The following WDR72 variants were observed in gnomAD, a reference collection of about 807,000 sequenced individuals.
WDR72 encodes WD repeat-containing protein 72.
A neutral mutation model predicts 124.2 loss-of-function variants in WDR72; 120 were observed. The observed-to-expected ratio is 0.97, with a 90% CI of 0.83 to 1.12. The LOEUF (loss-of-function observed/expected upper bound fraction) is 1.12, where lower values mean the gene tolerates loss of function less well. WDR72 is among the 50% of genes most tolerant of loss of function. The pLI is 0.00. For synonymous variants in WDR72, 452 were observed against 441.7 expected, an observed-to-expected ratio of 1.02 and a Z score of -0.29; for missense variants, 1,387 against 1,278.8, an observed-to-expected ratio of 1.08 and a Z score of -1.29.
At chr15:53,690,606 T>C (rs756288254) in intron 13 of WDR72, among the ~76,000 whole-genome samples, 2 of 152,238 alleles carry the variant, frequency 1.3e-5, no homozygotes, top group African/African-American at 2.4e-5. Context: ...AGTTGTAGCA[T>C]GACAACTTGC....
chr15:53,698,558 A>AT (rs964619752), intron 13 of WDR72, among the ~76,000 whole-genome samples: 1 of 152,198 alleles, frequency 6.6e-6, no homozygotes, highest in Non-Finnish European at 1.5e-5. Flanking sequence ...AGATGAGGAG[A>AT]TTGACAAGCA....
At chr15:53,579,982 T>C (rs1443043982) in intron 18 of WDR72, among the ~76,000 whole-genome samples, 3 of 152,054 alleles carry the variant, frequency 2.0e-5, no homozygotes, top group Non-Finnish European at 4.4e-5. Context: ...CATCTATCAC[T>C]GAAACTTTAT....
chr15:53,543,766 AAGAG>A (rs1306698970), intron 18 of WDR72, among the ~76,000 whole-genome samples: 2 of 152,208 alleles, frequency 1.3e-5, no homozygotes, highest in East Asian at 1.9e-4. Flanking sequence ...TAAAGAAAAA[AAGAG>A]AGAAGAATCT....
intron 18 of WDR72, among the ~76,000 whole-genome samples, chr15:53,580,553 T>G (rs764563852): frequency 3.9e-5 from 6 of 152,048 alleles, no homozygotes; most frequent in Admixed American, 1.3e-4. Context: ...CTCTTCGTGC[T>G]TCAGCAGCTA....
intron 1 of WDR72, among the ~76,000 whole-genome samples, chr15:53,743,526 C>T (rs537311126): frequency 5.3e-5 from 8 of 152,026 alleles, no homozygotes; most frequent in Non-Finnish European, 1.0e-4. Context: ...TGTTTCAAAT[C>T]GTTACTTGCG....
In WDR72 at chr15:53,615,926, T is replaced by G. The variant is rs767938770; in HGVS notation, c.2280A>C (p.Ser760=). 1 of 1,613,468 alleles carries G rather than the reference T, an allele frequency of 6.2e-7. No individual in the cohort carries two copies. The highest frequency in any genetic ancestry group is 2.2e-5 in the East Asian group (1 of 44,850). The change falls in exon 15 of 20, where the codon TCA becomes TCC. Residue 760 remains serine (S), a synonymous_variant. Coordinates refer to ENST00000360509, the MANE Select transcript of WDR72 (RefSeq NM_182758.4). ...LAQGDNTIKF[S]EENDGIKRQK... is the part of the protein sequence containing the mutation. ...GCCTTTTAATGCCATCATTTTCTTC[T>G]GAGAATTTGATGGTATTATCTCCTT...
intron 1 of WDR72, among the ~76,000 whole-genome samples, chr15:53,740,928 A>G (rs1289333174): frequency 6.6e-6 from 1 of 152,228 alleles, no homozygotes; most frequent in Non-Finnish European, 1.5e-5. Context: ...AGTGTGGAGC[A>G]GAGAGCAATA....
At chr15:53,536,559 T>A (rs780862657) in intron 18 of WDR72, among the ~76,000 whole-genome samples, 1 of 152,070 alleles carries the variant, frequency 6.6e-6, no homozygotes, top group African/African-American at 2.4e-5. Flanking sequence ...TGGGGAAATA[T>A]ACAAAAAAGC....
At chr15:53,696,221 A>T (rs12591470) in intron 13 of WDR72, among the ~76,000 whole-genome samples, 25,543 of 152,164 alleles carry the variant, frequency 0.17, 2,493 homozygotes, top group East Asian at 0.45. Context: ...GTCTGTCCAC[A>T]CATGGAACTA....
At chr15:53,621,430 G>GATACAT (rs1555414985) in intron 14 of WDR72, among the ~76,000 whole-genome samples, 5 of 124,376 alleles carry the variant, frequency 4.0e-5, no homozygotes, top group Non-Finnish European at 8.0e-5. Context: ...AAGAAACTGT[G>GATACAT]ATATATATAT....
chr15:53,616,250 GAACA>G lies in WDR72; in HGVS notation c.1963-11_1963-8del, dbSNP rs749932076. On this transcript the variant is annotated splice_region_variant and splice_polypyrimidine_tract_variant and intron_variant, in intron 14 of 19. Transcript: ENST00000360509. ...AAAATTTGGCATCAGTAACCTAAGG[GAACA>G]AAAAATATTTGTGTCAAAGTTCTTG... The G allele has an allele frequency of 6.3e-7, 1 of 1,593,492 alleles. No homozygotes were observed. The highest frequency in any genetic ancestry group is 8.5e-7 in the Non-Finnish European group (1 of 1,174,392).
chr15:53,700,586 CT>C (rs142988802), intron 12 of WDR72, among the ~76,000 whole-genome samples: 4,119 of 152,234 alleles, frequency 0.027, 96 homozygotes, highest in East Asian at 0.068. Flanking sequence ...ACGACAATTA[CT>C]ATCCAAGGTG....
At chr15:53,519,419 T>G (rs1424245344) in intron 19 of WDR72, among the ~76,000 whole-genome samples, 1 of 152,102 alleles carries the variant, frequency 6.6e-6, no homozygotes, top group Non-Finnish European at 1.5e-5. Flanking sequence ...AAGTTCATGA[T>G]ACTGTCTCAG....
At chr15:53,600,781 T>C (rs906863095) in intron 17 of WDR72, among the ~76,000 whole-genome samples, 39 of 152,214 alleles carry the variant, frequency 2.6e-4, no homozygotes, top group African/African-American at 9.4e-4. Context: ...CATTTCTAGC[T>C]GGAGGCCTAC....
At chr15:53,658,955 T>C (rs372417757) in intron 14 of WDR72, among the ~76,000 whole-genome samples, 12 of 152,310 alleles carry the variant, frequency 7.9e-5, no homozygotes, top group African/African-American at 2.2e-4. Flanking sequence ...GGCATCTCCA[T>C]TCTATTTGGC....
At chr15:53,567,415 C>G (rs566255738) in intron 18 of WDR72, among the ~76,000 whole-genome samples, 1 of 152,118 alleles carries the variant, frequency 6.6e-6, no homozygotes, top group East Asian at 1.9e-4. Flanking sequence ...CTCTCCCCAA[C>G]TCCCTCATAA....
chr15:53,581,769 A>C (rs1471279400), intron 18 of WDR72, among the ~76,000 whole-genome samples: 2 of 152,108 alleles, frequency 1.3e-5, no homozygotes, highest in East Asian at 3.9e-4. Context: ...CTCTGGCAAT[A>C]AGAAATGGAA....
intron 13 of WDR72, among the ~76,000 whole-genome samples, chr15:53,691,670 GATA>G: frequency 9.9e-6 from 1 of 101,268 alleles, no homozygotes; most frequent in Admixed American, 1.0e-4. Context: ...TAGATAGATA[GATA>G]GATGTTTAAC....
intron 14 of WDR72, among the ~76,000 whole-genome samples, chr15:53,657,114 A>G (rs747421391): frequency 1.3e-5 from 2 of 151,882 alleles, no homozygotes; most frequent in Admixed American, 6.6e-5. Context: ...AATACAAAAA[A>G]TTAGCCGGTT....
Sources: allele counts gnomAD v4.1 joint callset (sites outside exome capture counted in the v4.1 genomes callset), GRCh38; gene constraint gnomAD v4.1.1; transcripts MANE v1.5; gene names NCBI Gene and HGNC (gene_info 2026-07-23, HGNC 2026-07-21).